Variants in SLIT3 observed in about 807,000 individuals in gnomAD.
The protein encoded by SLIT3 is slit guidance ligand 3.
In SLIT3, 68 loss-of-function variants were observed where a neutral mutation model predicts 184.0. The ratio of observed to expected loss-of-function variants is 0.37; its 90% confidence interval spans 0.30 to 0.45. The LOEUF (loss-of-function observed/expected upper bound fraction) is 0.45, where lower values mean the gene tolerates loss of function less well. Among genes scored for constraint, SLIT3 ranks in the 20% least tolerant of loss-of-function variants. SLIT3 has a pLI of 1.00. For missense variants in SLIT3, 1,707 were observed against 2,026.0 expected (o/e 0.84, Z 3.02); for synonymous variants, 831 against 828.6 (o/e 1.00, Z -0.05).
intron 4 of SLIT3, among the ~76,000 whole-genome samples, chr5:168,981,763 A>C (rs143417865): frequency 1.5e-3 from 236 of 152,340 alleles, no homozygotes; most frequent in African/African-American, 5.3e-3. Flanking sequence ...GGTTTGAATT[A>C]ATGTAAAGCA....
chr5:168,764,822 T>G (rs555865661), intron 14 of SLIT3, among the ~76,000 whole-genome samples: 1 of 152,204 alleles, frequency 6.6e-6, no homozygotes, highest in Admixed American at 6.5e-5. Flanking sequence ...GGCTTCCTGG[T>G]TCATTGTATT....
intron 31 of SLIT3, among the ~76,000 whole-genome samples, chr5:168,685,445 A>G (rs1429544216): frequency 6.6e-6 from 1 of 152,166 alleles, no homozygotes; most frequent in Non-Finnish European, 1.5e-5. Flanking sequence ...ACAATAGTTG[A>G]ATGCATATTT....
intron 4 of SLIT3, among the ~76,000 whole-genome samples, chr5:168,911,211 T>A (rs1761241899): frequency 1.3e-5 from 2 of 152,136 alleles, no homozygotes; most frequent in African/African-American, 4.8e-5. Flanking sequence ...AAGGAATAAT[T>A]ATTGTGCATA....
intron 32 of SLIT3, among the ~76,000 whole-genome samples, chr5:168,681,702 C>G (rs1182439727): frequency 6.6e-6 from 1 of 152,208 alleles, no homozygotes; most frequent in African/African-American, 2.4e-5. Context: ...TCCTACCACC[C>G]ACACCAGCCT....
chr5:168,779,576 G>GGGT (rs1755895355), intron 12 of SLIT3, among the ~76,000 whole-genome samples: 1 of 152,170 alleles, frequency 6.6e-6, no homozygotes, highest in Non-Finnish European at 1.5e-5. Context: ...TCAGCCCATT[G>GGGT]ACTACCCAGC....
intron 16 of SLIT3, among the ~76,000 whole-genome samples, chr5:168,755,593 C>T (rs544246292): frequency 2.6e-5 from 4 of 151,928 alleles, no homozygotes; most frequent in Admixed American, 1.3e-4. Context: ...TGCCACCATG[C>T]CCTGCTAATT....
At chr5:168,928,467 G>A (rs1412031946) in intron 4 of SLIT3, among the ~76,000 whole-genome samples, 1 of 151,980 alleles carries the variant, frequency 6.6e-6, no homozygotes, top group Admixed American at 6.5e-5. Context: ...AGGATCTCTG[G>A]CAAGGACCAG....
intron 4 of SLIT3, among the ~76,000 whole-genome samples, chr5:168,957,293 T>G: frequency 6.7e-6 from 1 of 150,114 alleles, no homozygotes; most frequent in East Asian, 1.9e-4. Flanking sequence ...CTTGAACTCC[T>G]GACCTCAAGT....
chr5:169,167,947 T>A (rs1762694635), intron 4 of SLIT3, among the ~76,000 whole-genome samples: 1 of 152,206 alleles, frequency 6.6e-6, no homozygotes, highest in Non-Finnish European at 1.5e-5. Flanking sequence ...TTACTCCTCC[T>A]GAAGGAAGGT....
intron 5 of SLIT3, among the ~76,000 whole-genome samples, chr5:168,871,540 C>T (rs550425071): frequency 4.6e-5 from 7 of 151,902 alleles, no homozygotes; most frequent in Non-Finnish European, 8.8e-5. Context: ...AGCCATATGC[C>T]GGAAGAGGTC....
chr5:169,224,835 G>A (rs936362600), intron 3 of SLIT3, among the ~76,000 whole-genome samples: 4 of 151,864 alleles, frequency 2.6e-5, no homozygotes, highest in Admixed American at 6.6e-5. Context: ...TACAGGTGCC[G>A]GCAACCATGC....
In SLIT3 at chr5:169,250,607, C is replaced by T. The variant is rs180915197; in HGVS notation, c.269+781G>A. On this transcript the variant is annotated intron_variant, in intron 2 of 35. Transcript: ENST00000519560. ...TCAGGTACCAAGACTTTAGCTGTCACTTCTAGTAACAATTTGCCAGCTAAG... is the reference window on the plus strand; with the variant it reads ...TCAGGTACCAAGACTTTAGCTGTCATTTCTAGTAACAATTTGCCAGCTAAG... Among the ~76,000 whole-genome samples the T allele has an allele frequency of 1.3e-3, 191 of 152,336 alleles. 3 individuals are homozygous for T. In the East Asian group the frequency reaches 0.03, roughly 24 times the overall value.
At chr5:168,762,333 G>A (rs1755185379) in intron 15 of SLIT3, among the ~76,000 whole-genome samples, 1 of 152,132 alleles carries the variant, frequency 6.6e-6, no homozygotes, top group Non-Finnish European at 1.5e-5. Context: ...TGTGTAGAAT[G>A]AAGGAATGAA....
At chr5:169,191,281 G>A (rs547792756) in intron 4 of SLIT3, among the ~76,000 whole-genome samples, 49 of 152,280 alleles carry the variant, frequency 3.2e-4, no homozygotes, top group African/African-American at 1.1e-3. Context: ...GTGCCTATGT[G>A]TGCCGAGCTA....
At chr5:168,686,042 A>C in intron 30 of SLIT3, 115 bp from the exon 31 acceptor site, 3 of 1,236,570 alleles carry the variant, frequency 2.4e-6, no homozygotes, top group Non-Finnish European at 2.2e-6. Context: ...GGGAAATGAC[A>C]CTAGTTCTAG....
chr5:169,257,629 C>G (rs920199579), intron 1 of SLIT3, among the ~76,000 whole-genome samples: 1 of 144,998 alleles, frequency 6.9e-6, no homozygotes, highest in African/African-American at 2.6e-5. Context: ...TCACTGCAAC[C>G]TCCGCTTCCT....
chr5:169,233,799 C>G (rs1265552267), intron 3 of SLIT3, among the ~76,000 whole-genome samples: 1 of 152,010 alleles, frequency 6.6e-6, no homozygotes, highest in Non-Finnish European at 1.5e-5. Context: ...CTCTCCTTCC[C>G]TCCCTTTTCT....
At chr5:168,920,212 A>G (rs1231315952) in intron 4 of SLIT3, among the ~76,000 whole-genome samples, 1 of 152,190 alleles carries the variant, frequency 6.6e-6, no homozygotes, top group Admixed American at 6.5e-5. Context: ...CAAAATGAGG[A>G]AGTCAGCCCT....
At chr5:168,970,995 T>A (rs1754558062) in intron 4 of SLIT3, among the ~76,000 whole-genome samples, 1 of 152,204 alleles carries the variant, frequency 6.6e-6, no homozygotes, top group Non-Finnish European at 1.5e-5. Context: ...ATCTTCTTTA[T>A]CCATCTGCCC....
Sources: allele counts gnomAD v4.1 joint callset (sites outside exome capture counted in the v4.1 genomes callset), GRCh38; gene constraint gnomAD v4.1.1; transcripts MANE v1.5; gene names NCBI Gene and HGNC (gene_info 2026-07-23, HGNC 2026-07-21).